Variants in SHISA9 observed in about 807,000 individuals in gnomAD.
SHISA9 encodes protein shisa-9.
In SHISA9, 13 loss-of-function variants were observed where a neutral mutation model predicts 38.0. That is an observed-to-expected ratio of 0.34 (90% CI 0.22 to 0.54). SHISA9 has a LOEUF of 0.54. Ranked by LOEUF, SHISA9 falls within the 20% of genes least tolerant of loss-of-function variation. SHISA9 has a pLI of 0.91. For missense variants in SHISA9, 538 were observed against 575.8 expected, an observed-to-expected ratio of 0.93 and a Z score of 0.67; for synonymous variants, 275 against 242.0, an observed-to-expected ratio of 1.14 and a Z score of -1.27.
rs75465951 is a variant in SHISA9 at position 13,157,143 on chromosome 16, A to G, written c.692-46251A>G. Among the ~76,000 whole-genome samples the G allele has an allele frequency of 3.0e-3, 454 of 152,072 alleles. 4 individuals carry two copies. The highest frequency in any genetic ancestry group is 9.3e-3 in the African/African-American group (386 of 41,476). ...CTTCTTCTTACGTGTTTATTCATCC[A>G]TCCATCATCCGTCCATCCCCCCATC... On this transcript the variant is annotated intron_variant, in intron 2 of 4. Coordinates refer to ENST00000558583, the MANE Select transcript of SHISA9 (RefSeq NM_001145204.3).
intron 2 of SHISA9, among the ~76,000 whole-genome samples, chr16:12,971,619 G>A (rs540251196): frequency 1.0e-3 from 157 of 152,266 alleles, no homozygotes; most frequent in South Asian, 1.7e-3. Flanking sequence ...ACCCCATGCT[G>A]TTGTGTGGAT....
chr16:13,037,520 T>C (rs1357279866), intron 2 of SHISA9, among the ~76,000 whole-genome samples: 1 of 152,062 alleles, frequency 6.6e-6, no homozygotes, highest in Non-Finnish European at 1.5e-5. Flanking sequence ...TCTGAGGGTA[T>C]GGACAGGATG....
At chr16:13,398,035 G>A in the SHISA9 span, among the ~76,000 whole-genome samples, 1 of 152,102 alleles carries the variant, frequency 6.6e-6, no homozygotes, top group African/African-American at 2.4e-5. Flanking sequence ...ACTCCAGGAG[G>A]ATCCGACAGT....
chr16:13,367,205 C>T, the SHISA9 span, among the ~76,000 whole-genome samples: 2 of 151,132 alleles, frequency 1.3e-5, no homozygotes, highest in African/African-American at 4.9e-5. Flanking sequence ...TGTCAACAAC[C>T]ATTCAAGGAT....
chr16:12,961,415 A>T (rs145998196), intron 2 of SHISA9, among the ~76,000 whole-genome samples: 99 of 152,362 alleles, frequency 6.5e-4, no homozygotes, highest in Middle Eastern at 3.4e-3. Flanking sequence ...CACAGTCAGA[A>T]TTCCATTTCT....
At chr16:13,171,703 C>T (rs909179103) in intron 2 of SHISA9, among the ~76,000 whole-genome samples, 8 of 149,232 alleles carry the variant, frequency 5.4e-5, no homozygotes, top group East Asian at 2.0e-4. Flanking sequence ...TGACATGGCA[C>T]GAGGCTGGAG....
the SHISA9 span, among the ~76,000 whole-genome samples, chr16:13,370,551 C>T: frequency 3.9e-5 from 6 of 152,134 alleles, no homozygotes; most frequent in African/African-American, 1.4e-4. Context: ...CTGAGTGGAC[C>T]TTCTTCTGAG....
the SHISA9 span, among the ~76,000 whole-genome samples, chr16:13,418,618 G>C: frequency 6.6e-6 from 1 of 152,186 alleles, no homozygotes; most frequent in Non-Finnish European, 1.5e-5. Context: ...CCCATGGAGA[G>C]AGCAGAAGCT....
the SHISA9 span, among the ~76,000 whole-genome samples, chr16:13,499,496 G>T: frequency 2.0e-5 from 3 of 152,148 alleles, no homozygotes; most frequent in African/African-American, 2.4e-5. Context: ...GAGAGAAAAA[G>T]ATCAGAAGAA....
At chr16:13,533,781 A>AT in the SHISA9 span, among the ~76,000 whole-genome samples, 18,597 of 128,026 alleles carry the variant, frequency 0.15, 1,556 homozygotes, top group Middle Eastern at 0.2. Context: ...ATAACTCTCA[A>AT]TTTTTTTTTT....
At chr16:13,293,014 G>A in the SHISA9 span, among the ~76,000 whole-genome samples, 1 of 152,092 alleles carries the variant, frequency 6.6e-6, no homozygotes, top group Admixed American at 6.6e-5. Flanking sequence ...ACAAGATGAA[G>A]CAAACAAAAC....
At chr16:13,542,755 G>C in the SHISA9 span, among the ~76,000 whole-genome samples, 1 of 152,158 alleles carries the variant, frequency 6.6e-6, no homozygotes, top group South Asian at 2.1e-4. Context: ...GAACTCAAAA[G>C]GGAGATTTGC....
At chr16:13,159,571 G>C (rs1400295209) in intron 2 of SHISA9, among the ~76,000 whole-genome samples, 1 of 152,222 alleles carries the variant, frequency 6.6e-6, no homozygotes, top group Non-Finnish European at 1.5e-5. Context: ...TAGATATGAA[G>C]ATGACTGGCT....
At chr16:12,930,403 A>G (rs2071448162) in intron 2 of SHISA9, among the ~76,000 whole-genome samples, 9 of 152,242 alleles carry the variant, frequency 5.9e-5, no homozygotes, top group Admixed American at 5.9e-4. Context: ...TCATGAATAC[A>G]TATTCCAGCA....
rs189967897 is a variant in SHISA9 at position 12,913,629 on chromosome 16, C to G, written c.564-3059C>G. On this transcript the variant is annotated intron_variant, in intron 1 of 4. Coordinates refer to ENST00000558583, the MANE Select transcript of SHISA9 (RefSeq NM_001145204.3). ...TAATTCTAATAAGGTTTTAATCACC[C>G]TTACAAAAAAAATCCATATCCATTA... Among the ~76,000 whole-genome samples, 26 of 152,274 alleles carry G rather than the reference C, an allele frequency of 1.7e-4. No homozygotes were observed. The East Asian group carries it at 5.0e-3, about 29-fold the overall frequency.
chr16:13,038,843 C>A (rs2073102759), intron 2 of SHISA9, among the ~76,000 whole-genome samples: 4 of 152,134 alleles, frequency 2.6e-5, no homozygotes, highest in Admixed American at 2.6e-4. Flanking sequence ...CATAGTAGAG[C>A]CTCTATAAAT....
At chr16:13,210,585 G>A (rs1369361937) in intron 3 of SHISA9, among the ~76,000 whole-genome samples, 1 of 152,116 alleles carries the variant, frequency 6.6e-6, no homozygotes, top group Non-Finnish European at 1.5e-5. Flanking sequence ...CTTTACTCTT[G>A]GAATCATGAG....
intron 2 of SHISA9, among the ~76,000 whole-genome samples, chr16:13,017,528 T>C (rs1335720812): frequency 2.6e-5 from 4 of 151,964 alleles, no homozygotes; most frequent in African/African-American, 9.7e-5. Flanking sequence ...TTATTGAAAG[T>C]CTGTATTCTT....
the SHISA9 span, among the ~76,000 whole-genome samples, chr16:13,301,752 A>C: frequency 1.3e-5 from 2 of 152,218 alleles, no homozygotes; most frequent in South Asian, 4.1e-4. Flanking sequence ...TGAAGTTGGG[A>C]GGAGAGGAGG....
Sources: gnomAD v4.1 joint callset for allele counts (sites outside exome capture counted in the v4.1 genomes callset) on GRCh38, gnomAD v4.1.1 for gene constraint, MANE v1.5 for transcripts, NCBI Gene and HGNC (gene_info 2026-07-23, HGNC 2026-07-21) for gene names.